The following PTPRN2 variants were observed in gnomAD, a reference collection of about 807,000 sequenced individuals.
The protein encoded by PTPRN2 is protein tyrosine phosphatase receptor type N2.
PTPRN2 carries 74 observed loss-of-function variants against 118.8 expected under a neutral mutation model. The observed-to-expected ratio is 0.62, with a 90% confidence interval of 0.52 to 0.76. The LOEUF (loss-of-function observed/expected upper bound fraction) is 0.76. Among genes scored for constraint, PTPRN2 ranks in the 30% least tolerant of loss-of-function variants. The probability of loss-of-function intolerance (pLI) is 0.00; values close to 1 mark genes in which losing one functional copy is unlikely to be tolerated. For missense variants in PTPRN2, 1,481 were observed against 1,394.4 expected, an observed-to-expected ratio of 1.06 and a Z score of -0.99; for synonymous variants, 641 against 608.0, an observed-to-expected ratio of 1.05 and a Z score of -0.80.
chr7:158,301,548 C>A (rs553724116), intron 3 of PTPRN2, among the ~76,000 whole-genome samples: 1 of 152,252 alleles, frequency 6.6e-6, no homozygotes, highest in Non-Finnish European at 1.5e-5. Flanking sequence ...GTTATGTGAA[C>A]CTTCAACATC....
chr7:158,069,606 C>T (rs915286416), intron 11 of PTPRN2, among the ~76,000 whole-genome samples: 12 of 152,018 alleles, frequency 7.9e-5, no homozygotes, highest in South Asian at 2.1e-4. Context: ...ATGGCCACCA[C>T]GCCCCACCTC....
At chr7:158,471,170 C>T (rs890794127) in intron 2 of PTPRN2, among the ~76,000 whole-genome samples, 2 of 152,170 alleles carry the variant, frequency 1.3e-5, no homozygotes, top group Non-Finnish European at 2.9e-5. Context: ...TTCCTCCTCT[C>T]TGAAGGACAA....
rs57698206 is a variant in PTPRN2 at position 158,467,797 on chromosome 7, C to A, written c.163+21938G>T. On this transcript the variant is annotated intron_variant, in intron 2 of 22. Coordinates refer to ENST00000389418, the MANE Select transcript of PTPRN2 (RefSeq NM_002847.5). ...GTTCCCATCTCATCCTTTTACATGG[C>A]GTGTGTTTAAGTCACTGGCCAAAAC... 4.7e-3 allele frequency among the ~76,000 whole-genome samples: 712 copies of A among 152,226 alleles called. 21 individuals carry two copies. The highest frequency in any genetic ancestry group is 0.038 in the East Asian group (198 of 5,182).
intron 12 of PTPRN2, among the ~76,000 whole-genome samples, chr7:157,835,812 C>A (rs1183583848): frequency 2.6e-5 from 4 of 152,064 alleles, no homozygotes. Context: ...ATTAATGGAA[C>A]CATAAAAATA....
At chr7:157,926,649 T>C (rs1799011781) in intron 11 of PTPRN2, among the ~76,000 whole-genome samples, 1 of 152,212 alleles carries the variant, frequency 6.6e-6, no homozygotes, top group Admixed American at 6.5e-5. Flanking sequence ...CACCCTCCAG[T>C]GCCCCTTCCT....
In PTPRN2 at chr7:158,270,841, TCACCTGGACCG is replaced by T. The variant is rs1563067904; in HGVS notation, c.277+45967_277+45977del. On this transcript the variant is annotated intron_variant, in intron 3 of 22. Transcript: ENST00000389418. ...CGCCCCCTCCACCTGGATGACCCCC[TCACCTGGACCG>T]CCCCCCCACCTGGACCGCCCCCTCC... Among the ~76,000 whole-genome samples, 17 of 4,594 alleles carry T rather than the reference TCACCTGGACCG, an allele frequency of 3.7e-3. 1 individual carries two copies. Among genetic ancestry groups the T allele is most frequent in the Middle Eastern group, 0.17 (1 of 6 alleles). 3.0% of individuals were successfully genotyped at this position (4,594 alleles called of 152,430 possible).
In PTPRN2 at chr7:158,075,121, G is replaced by A. The variant is rs557887693; in HGVS notation, c.1723+6177C>T. Among the ~76,000 whole-genome samples, 11 of 152,256 alleles carry A rather than the reference G, an allele frequency of 7.2e-5. No homozygotes were observed. The South Asian group carries it at 1.0e-3, about 14-fold the overall frequency. ...AGAGCCATGGGTGGCCTCTGTCCTCGCAGCCGGGAAGGTCAGCACAGGTCC... is the reference window on the plus strand; with the variant it reads ...AGAGCCATGGGTGGCCTCTGTCCTCACAGCCGGGAAGGTCAGCACAGGTCC... On this transcript the variant is annotated intron_variant, in intron 11 of 22. Transcript: ENST00000389418.
At chr7:157,548,802 G>T in intron 22 of PTPRN2, 144 bp downstream of exon 22, 1 of 809,740 alleles carries the variant, frequency 1.2e-6, no homozygotes, top group Non-Finnish European at 2.0e-6. Context: ...CCCATGCAAG[G>T]CCGGCATGGA....
chr7:157,792,759 G>A (rs558993486), intron 12 of PTPRN2, among the ~76,000 whole-genome samples: 1 of 152,318 alleles, frequency 6.6e-6, no homozygotes, highest in South Asian at 2.1e-4. Flanking sequence ...AGGCTGCCCC[G>A]TGATGGCTGG....
Position 157,540,352 on chromosome 7 carries a change from G to T in PTPRN2, c.*362C>A, listed in dbSNP as rs113643659. ...GCACAGTGGATCCACCCTCCCGAAA[G>T]TGGCAGATGACAAGCACACTCTTCC... On this transcript the variant is annotated 3_prime_UTR_variant, in exon 23 of 23. Transcript: ENST00000389418. 5.8e-3 allele frequency: 1,048 copies of T among 181,078 alleles called. 6 individuals are homozygous for T. The highest frequency in any genetic ancestry group is 8.7e-3 in the Non-Finnish European group (754 of 86,450). 11.2% of individuals were successfully genotyped at this position (181,078 alleles called of 1,614,324 possible). A position where few individuals can be genotyped will look rare whatever the true frequency, so the allele number is the denominator to read the frequency against.
Position 158,366,636 on chromosome 7 carries a change from G to A in PTPRN2, c.164-49704C>T, listed in dbSNP as rs368655050. Among the ~76,000 whole-genome samples, 16 of 152,330 alleles carry A rather than the reference G, an allele frequency of 1.1e-4. 1 individual carries two copies. In the South Asian group the frequency reaches 3.3e-3, roughly 32 times the overall value. ...CCCTCCATCCACCGAGACATACACGGCTGGAAGGACGTGGTGCTGCGGACC... is the reference window on the plus strand; with the variant it reads ...CCCTCCATCCACCGAGACATACACGACTGGAAGGACGTGGTGCTGCGGACC... On this transcript the variant is annotated intron_variant, in intron 2 of 22. Transcript: ENST00000389418.
At chr7:158,552,747 C>T (rs932540014) in intron 1 of PTPRN2, among the ~76,000 whole-genome samples, 9 of 152,150 alleles carry the variant, frequency 5.9e-5, no homozygotes, top group South Asian at 2.1e-4. Context: ...GTGCATGGCC[C>T]GATACTTTCA....
intron 11 of PTPRN2, among the ~76,000 whole-genome samples, chr7:157,937,557 G>A (rs773369991): frequency 2.0e-4 from 30 of 152,194 alleles, no homozygotes; most frequent in Non-Finnish European, 3.8e-4. Flanking sequence ...TCACAATAGC[G>A]CTCCCGAGTG....
rs138373865 is a variant in PTPRN2 at position 157,593,879 on chromosome 7, G to A, written c.2496+1359C>T. Among the ~76,000 whole-genome samples the A allele has an allele frequency of 7.2e-5, 11 of 152,348 alleles. No homozygotes were observed. The South Asian group carries it at 1.0e-3, about 14-fold the overall frequency. On this transcript the variant is annotated intron_variant, in intron 17 of 22. Coordinates refer to ENST00000389418, the MANE Select transcript of PTPRN2 (RefSeq NM_002847.5). ...ACCATCCAAGTGCCACAGGTTCGCC[G>A]TGCCATGCCGGGATTACAAGCTTCA...
Position 157,690,324 on chromosome 7 carries a change from G to A in PTPRN2, c.1789-7387C>T, listed in dbSNP as rs1443971474. ...TTGACAGGAGTCCTGCGGCGAGGCA[G>A]AGACCCCCTGAACTGAGCTCTCCGA... On this transcript the variant is annotated intron_variant, in intron 12 of 22. Coordinates refer to ENST00000389418, the MANE Select transcript of PTPRN2 (RefSeq NM_002847.5). The surrounding 1 kb of genome is among the most constrained non-coding windows in gnomAD (Gnocchi z 7.1). Among the ~76,000 whole-genome samples the A allele has an allele frequency of 6.6e-6, 1 of 152,222 alleles. No homozygotes were observed. Among genetic ancestry groups the A allele is most frequent in the African/African-American group, 2.4e-5 (1 of 41,464 alleles).
intron 11 of PTPRN2, among the ~76,000 whole-genome samples, chr7:157,949,037 AG>A (rs1255115161): frequency 6.6e-6 from 1 of 152,164 alleles, no homozygotes; most frequent in Non-Finnish European, 1.5e-5. Context: ...TACACATTGC[AG>A]GGGGCGGGTG....
chr7:158,169,846 C>T (rs1447389481), intron 5 of PTPRN2, among the ~76,000 whole-genome samples: 1 of 151,132 alleles, frequency 6.6e-6, no homozygotes, highest in Non-Finnish European at 1.5e-5. Flanking sequence ...TGCCCTTCAC[C>T]ACGCCCTGCT....
intron 11 of PTPRN2, among the ~76,000 whole-genome samples, chr7:157,940,682 G>A (rs1444936451): frequency 6.1e-5 from 4 of 65,046 alleles, no homozygotes; most frequent in South Asian, 6.0e-4. Flanking sequence ...CACTCTCCCC[G>A]AAGACACTGC....
At chr7:158,195,150 G>A (rs2150715849) in intron 4 of PTPRN2, among the ~76,000 whole-genome samples, 1 of 152,310 alleles carries the variant, frequency 6.6e-6, no homozygotes, top group Non-Finnish European at 1.5e-5. Flanking sequence ...ATGTCCTTCA[G>A]CGTCTGTATT....
Sources: allele counts gnomAD v4.1 joint callset (sites outside exome capture counted in the v4.1 genomes callset), GRCh38; gene constraint gnomAD v4.1.1; non-coding constraint Gnocchi (gnomAD v3.1); transcripts MANE v1.5; gene names NCBI Gene and HGNC (gene_info 2026-07-23, HGNC 2026-07-21).